The following PDE10A variants were observed in gnomAD, a reference collection of about 807,000 sequenced individuals.
PDE10A encodes the protein phosphodiesterase 10A.
A neutral mutation model predicts 97.7 loss-of-function variants in PDE10A; 39 were observed. That is an observed-to-expected ratio of 0.40 (90% CI 0.31 to 0.52). PDE10A has a LOEUF of 0.52. Among genes scored for constraint, PDE10A ranks in the 20% least tolerant of loss-of-function variants. The pLI, the probability that PDE10A is intolerant of heterozygous loss-of-function variation, is 0.56. For missense variants in PDE10A, 731 were observed against 1,047.8 expected, an observed-to-expected ratio of 0.70 and a Z score of 4.17; for synonymous variants, 371 against 376.8, an observed-to-expected ratio of 0.98 and a Z score of 0.18.
chr6:165,635,173 C>T (rs1189127406), intron 1 of PDE10A, among the ~76,000 whole-genome samples: 1 of 152,102 alleles, frequency 6.6e-6, no homozygotes, highest in Non-Finnish European at 1.5e-5. Context: ...TTTAGGTAGG[C>T]GCAGTATTCT....
chr6:165,465,608 G>A (rs903630051), intron 3 of PDE10A, among the ~76,000 whole-genome samples: 2 of 152,174 alleles, frequency 1.3e-5, no homozygotes, highest in African/African-American at 4.8e-5. Flanking sequence ...CACATGACTA[G>A]AGAGGCCTCA....
chr6:165,898,367 C>T (rs1782014040), intron 1 of PDE10A, among the ~76,000 whole-genome samples: 1 of 152,120 alleles, frequency 6.6e-6, no homozygotes, highest in African/African-American at 2.4e-5. Flanking sequence ...CGAGCACAGC[C>T]TCGGGTCATG....
At chr6:165,539,576 C>T (rs1783299815) in intron 2 of PDE10A, among the ~76,000 whole-genome samples, 1 of 152,120 alleles carries the variant, frequency 6.6e-6, no homozygotes, top group Non-Finnish European at 1.5e-5. Context: ...CTGAACAGAA[C>T]TTGACACACA....
At chr6:165,544,922 GGTGTAAAATTCAGT>G (rs201685055) in intron 1 of PDE10A, among the ~76,000 whole-genome samples, 3,533 of 151,980 alleles carry the variant, frequency 0.023, 55 homozygotes, top group Non-Finnish European at 0.026. Context: ...GAGCCCCAGT[GGTGTAAAATTCAGT>G]GTGAGAAATT....
chr6:165,384,616 GTGTA>G (rs1425780993), intron 17 of PDE10A, among the ~76,000 whole-genome samples: 1 of 137,182 alleles, frequency 7.3e-6, no homozygotes, highest in Non-Finnish European at 1.5e-5. Flanking sequence ...TAACGTGTGT[GTGTA>G]TGTGTGAGTG....
chr6:165,571,810 T>C (rs1401622239), intron 1 of PDE10A, among the ~76,000 whole-genome samples: 1 of 152,262 alleles, frequency 6.6e-6, no homozygotes, highest in Admixed American at 6.5e-5. Flanking sequence ...GCTGACACTA[T>C]AGCTGTTCCA....
chr6:165,809,014 C>A (rs2128466930), intron 1 of PDE10A, among the ~76,000 whole-genome samples: 1 of 152,302 alleles, frequency 6.6e-6, no homozygotes, highest in East Asian at 1.9e-4. Context: ...AGGTAAATAA[C>A]CCCTGTCTAT....
chr6:165,360,514 G>C (rs923569684), intron 18 of PDE10A, among the ~76,000 whole-genome samples: 12 of 152,158 alleles, frequency 7.9e-5, no homozygotes, highest in African/African-American at 2.7e-4. Context: ...CAGTTGCCTA[G>C]AGGTACTCCC....
intron 13 of PDE10A, among the ~76,000 whole-genome samples, chr6:165,404,551 G>A (rs2128222297): frequency 6.6e-6 from 1 of 151,998 alleles, no homozygotes; most frequent in African/African-American, 2.4e-5. Context: ...CAAAAACCTG[G>A]ACCCAGATCA....
intron 1 of PDE10A, among the ~76,000 whole-genome samples, chr6:165,923,831 T>A (rs997843524): frequency 6.6e-6 from 1 of 152,248 alleles, no homozygotes; most frequent in Admixed American, 6.5e-5. Context: ...CCAATTCATT[T>A]TTCAGAGAAA....
At chr6:165,722,472 T>C (rs146584323) in intron 1 of PDE10A, among the ~76,000 whole-genome samples, 42 of 152,366 alleles carry the variant, frequency 2.8e-4, no homozygotes, top group African/African-American at 8.4e-4. Flanking sequence ...GCTATGTTTC[T>C]TCTTATACAT....
At chr6:165,758,701 AGGAGGAGGG>A (rs1216756679) in intron 1 of PDE10A, among the ~76,000 whole-genome samples, 1 of 148,102 alleles carries the variant, frequency 6.8e-6, no homozygotes, top group Non-Finnish European at 1.5e-5. Flanking sequence ...AGGAAGGAGA[AGGAGGAGGG>A]GGAGGAGGAT....
chr6:165,831,371 C>CAAAA (rs760962725), intron 1 of PDE10A, among the ~76,000 whole-genome samples: 1,136 of 44,840 alleles, frequency 0.025, 116 homozygotes, highest in Middle Eastern at 0.045. Context: ...GACTCTGTCT[C>CAAAA]AAAAAAAAAA....
Position 165,370,354 on chromosome 6 carries a change from C to T in PDE10A, c.2783+8840G>A, listed in dbSNP as rs553188827. Among the ~76,000 whole-genome samples the T allele has an allele frequency of 8.8e-5, 13 of 146,992 alleles. No individual in the cohort carries two copies. In the South Asian group the frequency reaches 2.5e-3, roughly 29 times the overall value. On this transcript the variant is annotated intron_variant, in intron 18 of 21. Transcript: ENST00000539869. ...AACCCATCTCACGTGCAGAGACACA[C>T]ATAGGCTCAAAATAAAAGGATGGAG...
chr6:165,580,579 A>C (rs563340856), intron 1 of PDE10A, among the ~76,000 whole-genome samples: 77 of 152,348 alleles, frequency 5.1e-4, no homozygotes, highest in African/African-American at 1.8e-3. Context: ...GGTAATGGTG[A>C]TGTAGTTGAG....
At chr6:165,364,322 C>T (rs1783622832) in intron 18 of PDE10A, among the ~76,000 whole-genome samples, 1 of 152,142 alleles carries the variant, frequency 6.6e-6, no homozygotes, top group Non-Finnish European at 1.5e-5. Context: ...CTCCCTTCTT[C>T]CATCAAGTGA....
intron 1 of PDE10A, among the ~76,000 whole-genome samples, chr6:165,818,913 T>G (rs1206055107): frequency 6.6e-6 from 1 of 152,252 alleles, no homozygotes; most frequent in African/African-American, 2.4e-5. Context: ...AAATTAATCT[T>G]AACTCTTTAG....
At chr6:165,502,016 T>C (rs1195352491) in intron 2 of PDE10A, among the ~76,000 whole-genome samples, 1 of 152,186 alleles carries the variant, frequency 6.6e-6, no homozygotes, top group East Asian at 1.9e-4. Context: ...TAGGCAAAGA[T>C]ACCAAAGTGA....
chr6:165,630,367 CTG>C (rs1788574658), intron 1 of PDE10A, among the ~76,000 whole-genome samples: 2 of 152,032 alleles, frequency 1.3e-5, no homozygotes, highest in Admixed American at 1.3e-4. Flanking sequence ...AAACAAAAAA[CTG>C]TATATAGAAA....
Sources: gnomAD v4.1 joint callset for allele counts (sites outside exome capture counted in the v4.1 genomes callset) on GRCh38, gnomAD v4.1.1 for gene constraint, MANE v1.5 for transcripts, NCBI Gene and HGNC (gene_info 2026-07-23, HGNC 2026-07-21) for gene names.